Variants in CRLF3 observed in about 807,000 individuals in gnomAD.
CRLF3 encodes cytokine receptor-like factor 3.
A neutral mutation model predicts 55.0 loss-of-function variants in CRLF3; 33 were observed. The ratio of observed to expected loss-of-function variants is 0.60; its 90% CI spans 0.46 to 0.80. CRLF3 has a LOEUF of 0.80. CRLF3 is among the 30% of genes least tolerant of loss of function. The pLI is 0.00. For missense variants in CRLF3, 494 were observed against 538.4 expected (o/e 0.92, Z 0.82); for synonymous variants, 238 against 196.8 (o/e 1.21, Z -1.75).
chr17:30,794,666 G>A (rs1269665632), intron 4 of CRLF3, among the ~76,000 whole-genome samples: 1 of 152,096 alleles, frequency 6.6e-6, no homozygotes, highest in Non-Finnish European at 1.5e-5. Flanking sequence ...GGCTGTGGAA[G>A]CACATGCCTG....
chr17:30,813,107 A>C (rs979123320), intron 1 of CRLF3, among the ~76,000 whole-genome samples: 1 of 152,206 alleles, frequency 6.6e-6, no homozygotes, highest in Non-Finnish European at 1.5e-5. Context: ...TTAAGTCATT[A>C]AGCTTTGGCA....
At chr17:30,805,174 G>A (rs7223373) in intron 1 of CRLF3, among the ~76,000 whole-genome samples, 27,309 of 151,638 alleles carry the variant, frequency 0.18, 2,629 homozygotes, top group African/African-American at 0.23. Flanking sequence ...AGAGTGAGAC[G>A]CCATTTCAAA....
chr17:30,788,596 C>CTTTTTTTTTTTTT (rs1429494338), intron 6 of CRLF3, among the ~76,000 whole-genome samples: 20 of 120,294 alleles, frequency 1.7e-4, no homozygotes, highest in African/African-American at 7.1e-4. Flanking sequence ...AAAGTAGTGC[C>CTTTTTTTTTTTTT]TTCTTTTTTT....
chr17:30,790,965 C>G (rs1971785926), intron 6 of CRLF3: 2 of 152,494 alleles, frequency 1.3e-5, no homozygotes, highest in African/African-American at 4.8e-5. Context: ...GTCACCCAGG[C>G]TGGAGTACAG....
chr17:30,817,271 T>A (rs1904836088), intron 1 of CRLF3, among the ~76,000 whole-genome samples: 1 of 151,944 alleles, frequency 6.6e-6, no homozygotes, highest in Middle Eastern at 3.2e-3. Context: ...AACCTCCTTC[T>A]ACTAAAAATA....
At chr17:30,809,660 T>A (rs1356686956) in intron 1 of CRLF3, 1 of 151,010 alleles carries the variant, frequency 6.6e-6, no homozygotes, top group African/African-American at 2.4e-5. Context: ...TACAGGACAC[T>A]TTTTTTTTGA....
chr17:30,793,273 A>G (rs1971852478), intron 5 of CRLF3, among the ~76,000 whole-genome samples, 177 bp downstream of exon 5: 1 of 152,198 alleles, frequency 6.6e-6, no homozygotes. Context: ...ACTCTGAAGA[A>G]CTGATGAAAA....
intron 6 of CRLF3, among the ~76,000 whole-genome samples, chr17:30,791,419 C>A (rs754501179): frequency 6.6e-6 from 1 of 151,786 alleles, no homozygotes; most frequent in Non-Finnish European, 1.5e-5. Context: ...GTTGACCAGG[C>A]TGGTCTCGAA....
At chr17:30,819,298 T>C (rs1467199427) in intron 1 of CRLF3, among the ~76,000 whole-genome samples, 1 of 152,232 alleles carries the variant, frequency 6.6e-6, no homozygotes, top group Non-Finnish European at 1.5e-5. Flanking sequence ...CATTTCTCAC[T>C]GTAGACACCT....
chr17:30,816,275 C>CAA (rs1904802410), intron 1 of CRLF3, among the ~76,000 whole-genome samples: 1 of 147,198 alleles, frequency 6.8e-6, no homozygotes, highest in African/African-American at 2.5e-5. Context: ...GAGCAAGACT[C>CAA]CATCTCAAAA....
chr17:30,807,397 T>C (rs940706309), intron 1 of CRLF3, among the ~76,000 whole-genome samples: 3 of 151,946 alleles, frequency 2.0e-5, no homozygotes, highest in African/African-American at 7.3e-5. Flanking sequence ...GAATACAATA[T>C]TGTTTCCCAG....
At chr17:30,800,813 C>T (rs1202215149) in intron 2 of CRLF3, among the ~76,000 whole-genome samples, 5 of 142,934 alleles carry the variant, frequency 3.5e-5, no homozygotes, top group East Asian at 2.1e-4. Context: ...CTCGCTCTGT[C>T]GCCCAGGCTG....
rs1024317779 is a variant in CRLF3, at chr17:30,783,651, AC to A, written c.*535del. ...AAGAAAAAGTTATAATGTTTTGGGG[AC>A]TTAAAGATTACTGAAGAGGGGATAA... On this transcript the variant is annotated 3_prime_UTR_variant, in exon 8 of 8. Coordinates refer to ENST00000324238, the MANE Select transcript of CRLF3 (RefSeq NM_015986.4). 2 of 152,302 alleles carry A rather than the reference AC, an allele frequency of 1.3e-5. No individual in the cohort carries two copies. The highest frequency in any genetic ancestry group is 4.8e-5 in the African/African-American group (2 of 41,424). The allele number at this position is 152,302 out of a possible 1,614,324, so 9.4% of individuals were successfully genotyped here.
At chr17:30,819,795 C>G (rs1904934146) in intron 1 of CRLF3, among the ~76,000 whole-genome samples, 1 of 152,078 alleles carries the variant, frequency 6.6e-6, no homozygotes, top group Non-Finnish European at 1.5e-5. Context: ...ACAAATAGAA[C>G]TTATATTTTT....
At chr17:30,793,807 AGGC>A in intron 4 of CRLF3, 135 bp from the exon 5 acceptor site, 1 of 619,130 alleles carries the variant, frequency 1.6e-6, no homozygotes, top group Non-Finnish European at 2.9e-6. Context: ...ATTCTTGGGA[AGGC>A]CATAGAAAAT....
At chr17:30,786,322 C>A in intron 6 of CRLF3, 1 of 214,270 alleles carries the variant, frequency 4.7e-6, no homozygotes, top group Non-Finnish European at 9.2e-6. Context: ...TCACTGCAAC[C>A]TCCGCCTCCC....
intron 2 of CRLF3, among the ~76,000 whole-genome samples, chr17:30,800,853 C>A (rs1971997034): frequency 6.7e-6 from 1 of 150,358 alleles, no homozygotes; most frequent in Admixed American, 6.7e-5. Context: ...AGGCTCACTG[C>A]AAGCTCCGCC....
At chr17:30,813,424 C>A (rs1904684778) in intron 1 of CRLF3, among the ~76,000 whole-genome samples, 1 of 152,156 alleles carries the variant, frequency 6.6e-6, no homozygotes, top group Non-Finnish European at 1.5e-5. Context: ...ATATCTGGGG[C>A]AGCCACAAAC....
At chr17:30,799,471 G>A (rs939222765) in intron 2 of CRLF3, among the ~76,000 whole-genome samples, 1 of 151,490 alleles carries the variant, frequency 6.6e-6, no homozygotes, top group Non-Finnish European at 1.5e-5. Context: ...GGATCCTCCC[G>A]CCTCAGCCTC....
Sources: gnomAD v4.1 joint callset for allele counts (sites outside exome capture counted in the v4.1 genomes callset) on GRCh38, gnomAD v4.1.1 for gene constraint, MANE v1.5 for transcripts, NCBI Gene and HGNC (gene_info 2026-07-23, HGNC 2026-07-21) for gene names.